Variants in CACNA1E observed in about 807,000 individuals in gnomAD.
CACNA1E encodes calcium voltage-gated channel subunit alpha1 E.
CACNA1E carries 40 observed loss-of-function variants against 259.2 expected under a neutral mutation model. The ratio of observed to expected loss-of-function variants is 0.15; its 90% CI spans 0.12 to 0.20. The LOEUF is 0.20. CACNA1E is among the 10% of genes least tolerant of loss of function. The pLI is 1.00. For synonymous variants in CACNA1E, 1,104 were observed against 1,138.5 expected, an observed-to-expected ratio of 0.97 and a Z score of 0.61; for missense variants, 1,874 against 3,040.1, an observed-to-expected ratio of 0.62 and a Z score of 9.02.
intron 7 of CACNA1E, among the ~76,000 whole-genome samples, chr1:181,656,770 C>A (rs1328286860): frequency 6.6e-6 from 1 of 152,084 alleles, no homozygotes; most frequent in African/African-American, 2.4e-5. Flanking sequence ...TTTTTAAAAT[C>A]TTTTATACCA....
At chr1:181,634,321 G>A (rs1476450747) in intron 6 of CACNA1E, among the ~76,000 whole-genome samples, 1 of 152,160 alleles carries the variant, frequency 6.6e-6, no homozygotes, top group African/African-American at 2.4e-5. Context: ...GCTGCACAAA[G>A]ATTATCTAAG....
chr1:181,616,185 T>C (rs1411538062), intron 6 of CACNA1E, among the ~76,000 whole-genome samples: 3 of 152,224 alleles, frequency 2.0e-5, no homozygotes, highest in Non-Finnish European at 2.9e-5. Context: ...TTGTGAAGTT[T>C]TGATATTAAG....
At chr1:181,440,752 G>T (rs1660406376) in intron 2 of CACNA1E, among the ~76,000 whole-genome samples, 1 of 151,842 alleles carries the variant, frequency 6.6e-6, no homozygotes, top group Admixed American at 6.6e-5. Flanking sequence ...GCTGGGGTAG[G>T]CCTTGGATTG....
chr1:181,336,383 A>T (rs1261751302), intron 1 of CACNA1E, among the ~76,000 whole-genome samples: 1 of 152,208 alleles, frequency 6.6e-6, no homozygotes, highest in African/African-American at 2.4e-5. Context: ...AATGCAGTAT[A>T]TTATTACTGT....
intron 1 of CACNA1E, among the ~76,000 whole-genome samples, chr1:181,346,275 T>C (rs1466997740): frequency 6.6e-6 from 1 of 152,260 alleles, no homozygotes; most frequent in African/African-American, 2.4e-5. Flanking sequence ...TGGGTCATAC[T>C]TTCTCCAATA....
At position 181,739,273 on chromosome 1, in the gene CACNA1E, T is replaced by A; in HGVS notation, c.3719+20T>A. 1 of 1,456,274 alleles carries A rather than the reference T, an allele frequency of 6.9e-7. No individual in the cohort carries two copies. The allele number at this position is 1,456,274 out of a possible 1,614,324, so 90.2% of individuals were successfully genotyped here. On this transcript the variant is annotated intron_variant, in intron 25 of 47. Transcript: ENST00000367573. ...TCTGGCGTAAGTGACTCTTTTCATATTTGATTCCCTTCCTTCCCCTCTTCC... is the reference window on the plus strand; with the variant it reads ...TCTGGCGTAAGTGACTCTTTTCATAATTGATTCCCTTCCTTCCCCTCTTCC...
Position 181,512,093 on chromosome 1 carries a change from T to C in CACNA1E, c.512+583T>C, listed in dbSNP as rs1342032473. ...TGGAAATTAATATAGCCATACGACA[T>C]TGGGGCTGACCCAGTGTCACAGCAG... On this transcript the variant is annotated intron_variant, in intron 3 of 47. Transcript: ENST00000367573. Among the ~76,000 whole-genome samples, 4 of 152,266 alleles carry C rather than the reference T, an allele frequency of 2.6e-5. No homozygotes were observed. In the South Asian group the frequency reaches 6.2e-4, roughly 24 times the overall value.
chr1:181,425,705 A>G (rs1364424455), intron 2 of CACNA1E, among the ~76,000 whole-genome samples: 1 of 152,024 alleles, frequency 6.6e-6, no homozygotes, highest in Non-Finnish European at 1.5e-5. Flanking sequence ...TCAGCCGCTC[A>G]TACCCCAGCC....
chr1:181,796,531 T>TGG, intron 46 of CACNA1E, 137 bp from the exon 47 acceptor site: 3 of 572,218 alleles, frequency 5.2e-6, no homozygotes, highest in East Asian at 3.0e-5. Context: ...CATTTGAATT[T>TGG]GGGGGGGGAC....
intron 2 of CACNA1E, among the ~76,000 whole-genome samples, chr1:181,429,130 C>T (rs537317399): frequency 2.0e-5 from 3 of 152,160 alleles, no homozygotes; most frequent in Admixed American, 2.0e-4. Flanking sequence ...TACAGTCAAC[C>T]GAGATCACAA....
intron 3 of CACNA1E, among the ~76,000 whole-genome samples, chr1:181,533,451 A>G (rs1667932784): frequency 6.6e-6 from 1 of 150,700 alleles, no homozygotes; most frequent in Non-Finnish European, 1.5e-5. Flanking sequence ...TCCCATATAT[A>G]TGTGGTCTGT....
chr1:181,472,829 T>C (rs530743077), intron 2 of CACNA1E, among the ~76,000 whole-genome samples: 20 of 152,336 alleles, frequency 1.3e-4, no homozygotes, highest in Admixed American at 1.2e-3. Flanking sequence ...GCAGGCCTGC[T>C]GTTCATGGGG....
chr1:181,409,416 C>CCCACTCAACCATAG (rs1292821565), intron 1 of CACNA1E, among the ~76,000 whole-genome samples: 28 of 152,176 alleles, frequency 1.8e-4, no homozygotes, highest in Non-Finnish European at 4.4e-5. Context: ...CATAGAGGGC[C>CCCACTCAACCATAG]AGGAAGTACA....
chr1:181,716,839 C>A (rs1653942920), intron 10 of CACNA1E, among the ~76,000 whole-genome samples: 1 of 152,166 alleles, frequency 6.6e-6, no homozygotes, highest in African/African-American at 2.4e-5. Context: ...AAACACGATC[C>A]TATTAAGATT....
At chr1:181,567,044 ATCT>A (rs1572231250) in intron 3 of CACNA1E, among the ~76,000 whole-genome samples, 10 of 152,150 alleles carry the variant, frequency 6.6e-5, no homozygotes, top group Admixed American at 6.5e-4. Flanking sequence ...TCAATACAAC[ATCT>A]TCTTCTTAGT....
At chr1:181,719,687 C>T (rs1037211641) in intron 12 of CACNA1E, 64 bp from the exon 13 acceptor site, 62 of 809,316 alleles carry the variant, frequency 7.7e-5, no homozygotes, top group Admixed American at 4.3e-4. Context: ...GTGTGCTGGG[C>T]GCTAGAATGC....
chr1:181,527,874 ATTC>A (rs1451176924), intron 3 of CACNA1E, among the ~76,000 whole-genome samples: 1 of 150,552 alleles, frequency 6.6e-6, no homozygotes, highest in Non-Finnish European at 1.5e-5. Context: ...GTTTGTTTTT[ATTC>A]TTTTCCTTTA....
chr1:181,470,523 T>C (rs1008310538), intron 2 of CACNA1E, among the ~76,000 whole-genome samples: 1 of 152,030 alleles, frequency 6.6e-6, no homozygotes, highest in Non-Finnish European at 1.5e-5. Context: ...CATCTGGCCT[T>C]GATTTATTTT....
chr1:181,534,680 T>C (rs1443104672), intron 3 of CACNA1E, among the ~76,000 whole-genome samples: 1 of 151,642 alleles, frequency 6.6e-6, no homozygotes, highest in East Asian at 1.9e-4. Flanking sequence ...AGAAAAGAAG[T>C]AGTAGGCAAA....
Sources: gnomAD v4.1 joint callset for allele counts (sites outside exome capture counted in the v4.1 genomes callset) on GRCh38, gnomAD v4.1.1 for gene constraint, MANE v1.5 for transcripts, NCBI Gene and HGNC (gene_info 2026-07-23, HGNC 2026-07-21) for gene names.